NCOR2: variants seen among roughly 807,000 people sequenced by gnomAD.
NCOR2 encodes nuclear receptor corepressor 2.
Under a neutral mutation model 262.9 loss-of-function variants are expected in NCOR2, and 81 were observed. The observed-to-expected ratio is 0.31, with a 90% CI of 0.26 to 0.37. The LOEUF (loss-of-function observed/expected upper bound fraction) is 0.37. Ranked by LOEUF, NCOR2 falls within the 10% of genes least tolerant of loss-of-function variation. The probability of loss-of-function intolerance (pLI) is 1.00; values close to 1 mark genes in which losing one functional copy is unlikely to be tolerated. For synonymous variants in NCOR2, 1,659 were observed against 1,559.3 expected (o/e 1.06, Z -1.51); for missense variants, 3,385 against 3,621.4 (o/e 0.93, Z 1.68).
chr12:124,354,321 G>A, intron 26 of NCOR2, 125 bp from the exon 29 acceptor site: 3 of 1,186,976 alleles, frequency 2.5e-6, no homozygotes, highest in Non-Finnish European at 3.6e-6. Context: ...CGCAGAGGGA[G>A]TCCCCCTACC....
chr12:124,381,343 T>G (rs536317586), intron 17 of NCOR2, among the ~76,000 whole-genome samples: 2 of 152,022 alleles, frequency 1.3e-5, no homozygotes, highest in South Asian at 4.2e-4. Flanking sequence ...ATCAGAGAGG[T>G]CTTCCCTGAT....
At chr12:124,344,942 G>A in exon 32 of NCOR2, 1 of 1,547,476 alleles carries the variant, frequency 6.5e-7, no homozygotes, top group Non-Finnish European at 8.7e-7. Context: ...TCGTACTTGA[G>A]CGGGGTGCCC....
chr12:124,411,308 G>A (rs1344543550), intron 13 of NCOR2, among the ~76,000 whole-genome samples: 2 of 152,086 alleles, frequency 1.3e-5, no homozygotes, highest in Non-Finnish European at 2.9e-5. Context: ...CTAGAAAAAT[G>A]CAGGAGATTC....
At chr12:124,451,920 C>T (rs1403443397) in intron 6 of NCOR2, among the ~76,000 whole-genome samples, 24 of 150,136 alleles carry the variant, frequency 1.6e-4, no homozygotes, top group Admixed American at 1.6e-3. Context: ...GACAATGTCG[C>T]CTTTCCCCCT....
At position 124,476,530 on chromosome 12, in the gene NCOR2, G is replaced by T. The variant is rs560614902; in HGVS notation, c.412-3399C>A. 2.0e-5 allele frequency among the ~76,000 whole-genome samples: 3 copies of T among 152,256 alleles called. No homozygotes were observed. In the South Asian group the frequency reaches 6.2e-4, roughly 32 times the overall value. ...TGAGAGCAAACTGCTCGTCCAACCT[G>T]GGAATAATTCTCCAAAGCAACATTA... On this transcript the variant is annotated intron_variant, in intron 3 of 46. Coordinates refer to ENST00000405201, the Ensembl canonical transcript of NCOR2.
rs2040193936 is a variant in NCOR2 at position 124,378,638 on chromosome 12, T to A, written c.2020-254A>T. Among the ~76,000 whole-genome samples, 3 of 152,206 alleles carry A rather than the reference T, an allele frequency of 2.0e-5. No individual in the cohort carries two copies. The highest frequency in any genetic ancestry group is 2.0e-4 in the Admixed American group (3 of 15,286). On this transcript the variant is annotated intron_variant, in intron 17 of 46. Transcript: ENST00000405201. The surrounding 1 kb of genome is among the most constrained non-coding windows in gnomAD (Gnocchi z 4.2). Reference sequence around the variant, plus strand: ...TGGCCCCTCAGCCACCCTGACATCCTTCCTGAGCACGAGAGAACCTGCCTG... The same window carrying A: ...TGGCCCCTCAGCCACCCTGACATCCATCCTGAGCACGAGAGAACCTGCCTG...
intron 10 of NCOR2, 65 bp from the exon 13 acceptor site, chr12:124,426,865 C>T: frequency 1.4e-6 from 2 of 1,453,338 alleles, no homozygotes; most frequent in Non-Finnish European, 9.2e-7. Flanking sequence ...GCGCAGGGGA[C>T]CCAGGGAAGA....
exon 47 of NCOR2, chr12:124,325,132 C>A: frequency 3.3e-6 from 1 of 300,936 alleles, no homozygotes; most frequent in Non-Finnish European, 6.1e-6. Context: ...GCCTGCCGTG[C>A]CCCCTCCCCG....
intron 16 of NCOR2, among the ~76,000 whole-genome samples, chr12:124,387,819 C>T (rs1299691412): frequency 6.6e-6 from 1 of 151,944 alleles, no homozygotes; most frequent in African/African-American, 2.4e-5. Flanking sequence ...GCAAACACAC[C>T]GGGCCAGAGG....
chr12:124,355,673 G>A, intron 23 of NCOR2, 102 bp from the exon 26 acceptor site: 1 of 1,428,518 alleles, frequency 7.0e-7, no homozygotes, highest in Admixed American at 2.9e-5. Context: ...TCCTGGCCAG[G>A]AAGTGCCCAT....
Position 124,333,879 on chromosome 12 carries a change from GGT to G in NCOR2, c.6605+543_6605+544del, listed in dbSNP as rs2035529647. The stretch of plus-strand genomic sequence containing the variant: ...GCATGTGTGTGTGCGCATGTGTGCG[GGT>G]GTGCATGTGTGTGTGCGCGCGCATG... On this transcript the variant is annotated intron_variant, in intron 41 of 46. Coordinates refer to ENST00000405201, the Ensembl canonical transcript of NCOR2. Among the ~76,000 whole-genome samples, 5 of 20,372 alleles carry G rather than the reference GGT, an allele frequency of 2.5e-4. 1 individual carries two copies. The highest frequency in any genetic ancestry group is 4.2e-4 in the Non-Finnish European group (3 of 7,112). The allele number at this position is 20,372 out of a possible 152,430, so 13.4% of individuals were successfully genotyped here.
chr12:124,402,591 A>T (rs1194751432), intron 13 of NCOR2, 30 bp from the exon 16 acceptor site: 8 of 1,546,260 alleles, frequency 5.2e-6, no homozygotes, highest in Non-Finnish European at 7.0e-6. Flanking sequence ...GGCAGAGGGG[A>T]GTGGGGAGGG....
chr12:124,335,880 G>A, intron 38 of NCOR2: 1 of 527,630 alleles, frequency 1.9e-6, no homozygotes. Context: ...GACACAGAGA[G>A]AGATTAGGCA....
chr12:124,473,729 A>G (rs2046946438), intron 3 of NCOR2, among the ~76,000 whole-genome samples: 1 of 152,176 alleles, frequency 6.6e-6, no homozygotes, highest in South Asian at 2.1e-4. Context: ...CTCCACAGCC[A>G]CATGGAACTG....
chr12:124,444,441 G>A (rs2045018839), intron 7 of NCOR2, among the ~76,000 whole-genome samples: 1 of 152,206 alleles, frequency 6.6e-6, no homozygotes, highest in South Asian at 2.1e-4. Context: ...GGGGAGTCCG[G>A]TTGGACCCTA....
intron 1 of NCOR2, among the ~76,000 whole-genome samples, chr12:124,521,379 C>A (rs2050177426): frequency 6.6e-6 from 1 of 152,194 alleles, no homozygotes. Flanking sequence ...ATCTGAAAAG[C>A]CACTTAGATA....
chr12:124,439,580 G>A (rs958917645), intron 7 of NCOR2, among the ~76,000 whole-genome samples: 15 of 152,002 alleles, frequency 9.9e-5, no homozygotes, highest in Non-Finnish European at 1.6e-4. Flanking sequence ...CAGACAGGGA[G>A]ACAGAGGTGA....
At position 124,549,612 on chromosome 12, in the gene NCOR2, C is replaced by T. The variant is rs1265224678; in HGVS notation, c.-164-14001G>A. Among the ~76,000 whole-genome samples the T allele has an allele frequency of 6.6e-6, 1 of 151,946 alleles. No homozygotes were observed. Among genetic ancestry groups the T allele is most frequent in the African/African-American group, 2.4e-5 (1 of 41,422 alleles). On this transcript the variant is annotated intron_variant, in intron 1 of 32. Coordinates refer to the NCOR2 transcript ENST00000458234. This position sits in a 1 kb window ranked among gnomAD's most constrained non-coding sequence, Gnocchi z 4.4. ...CACATCATGGGCTCATCATCACAGCCACAGTGACTCCTGACTCCCCACTGC... is the reference window on the plus strand; with the variant it reads ...CACATCATGGGCTCATCATCACAGCTACAGTGACTCCTGACTCCCCACTGC...
In NCOR2 at chr12:124,432,619, G is replaced by A. The variant is rs976382716; in HGVS notation, c.883-1832C>T. ...CCGTCAGCCCTGGGGAGGGGCAGCC[G>A]CCAGAGAAAACCACATTCCAAGCAG... is the stretch of plus-strand genomic sequence containing the variant. On this transcript the variant is annotated intron_variant, in intron 8 of 46. Transcript: ENST00000405201. The surrounding 1 kb of genome is among the most constrained non-coding windows in gnomAD (Gnocchi z 5.1). 2.6e-5 allele frequency among the ~76,000 whole-genome samples: 4 copies of A among 152,112 alleles called. No homozygotes were observed. The highest frequency in any genetic ancestry group is 6.5e-5 in the Admixed American group (1 of 15,274).
Sources: allele counts gnomAD v4.1 joint callset (sites outside exome capture counted in the v4.1 genomes callset), GRCh38; gene constraint gnomAD v4.1.1; non-coding constraint Gnocchi (gnomAD v3.1); transcripts MANE v1.5; gene names NCBI Gene and HGNC (gene_info 2026-07-23, HGNC 2026-07-21).